The following C2orf92 variants were observed in gnomAD, a reference collection of about 807,000 sequenced individuals.
The protein encoded by C2orf92 is uncharacterized protein C2orf92.
chr2:97,700,399 C>T (rs562244415), intron 6 of C2orf92, among the ~76,000 whole-genome samples: 29 of 152,200 alleles, frequency 1.9e-4, no homozygotes, highest in African/African-American at 6.5e-4. Flanking sequence ...ATATCACTGC[C>T]CTGTGAAAAG....
At chr2:97,691,397 C>T (rs947337755) in intron 5 of C2orf92, among the ~76,000 whole-genome samples, 10 of 152,088 alleles carry the variant, frequency 6.6e-5, no homozygotes, top group Admixed American at 2.0e-4. Context: ...GGTGCTGCCC[C>T]GGAGGAATTC....
intron 1 of C2orf92, among the ~76,000 whole-genome samples, chr2:97,673,744 A>G (rs1446424324): frequency 6.6e-6 from 1 of 152,032 alleles, no homozygotes; most frequent in Admixed American, 6.6e-5. Flanking sequence ...TCGGGGAGGC[A>G]CACCACACAC....
At chr2:97,687,783 C>G (rs930091441) in intron 3 of C2orf92, among the ~76,000 whole-genome samples, 3 of 150,148 alleles carry the variant, frequency 2.0e-5, no homozygotes, top group East Asian at 3.9e-4. Flanking sequence ...CTCCTCCCCA[C>G]GGGAGCCATC....
intron 3 of C2orf92, among the ~76,000 whole-genome samples, chr2:97,679,846 AAAAAAAAG>A (rs1270398191): frequency 1.7e-4 from 25 of 151,126 alleles, no homozygotes; most frequent in East Asian, 3.9e-4. Context: ...TCAAAAAAAA[AAAAAAAAG>A]AAAAAAAAGA....
chr2:97,671,596 GA>G (rs1235115010), intron 1 of C2orf92: 4 of 398,112 alleles, frequency 1.0e-5, no homozygotes, highest in Non-Finnish European at 1.8e-5. Flanking sequence ...CCGCTGCTGT[GA>G]AGGGAAGGCA....
chr2:97,697,709 GTTATT>G (rs1004144654), intron 5 of C2orf92, among the ~76,000 whole-genome samples: 15 of 152,096 alleles, frequency 9.9e-5, no homozygotes, highest in African/African-American at 2.7e-4. Context: ...ATAATTTTCT[GTTATT>G]TTATTTTATT....
chr2:97,683,167 A>G (rs990619202), intron 3 of C2orf92, among the ~76,000 whole-genome samples: 1 of 152,050 alleles, frequency 6.6e-6, no homozygotes, highest in Admixed American at 6.6e-5. Flanking sequence ...TACAAATTGA[A>G]CACACAAAAA....
At chr2:97,680,276 G>A (rs144633634) in intron 3 of C2orf92, among the ~76,000 whole-genome samples, 1 of 152,324 alleles carries the variant, frequency 6.6e-6, no homozygotes, top group African/African-American at 2.4e-5. Flanking sequence ...TTCAGCCTGG[G>A]CGACAGAGTG....
rs370621947 is a variant in C2orf92, at chr2:97,699,936, G to A, written c.514+800G>A. On this transcript the variant is annotated intron_variant, in intron 6 of 7. Coordinates refer to ENST00000627399, the MANE Select transcript of C2orf92 (RefSeq NM_001351368.2). ...GAAGGTAGGAGGCTGGACATGCCCT[G>A]TTTTCTCCCCATCACCCAAGAAGAC... Among the ~76,000 whole-genome samples the A allele has an allele frequency of 3.3e-5, 5 of 152,328 alleles. No individual in the cohort carries two copies. The East Asian group carries it at 5.8e-4, about 18-fold the overall frequency.
intron 3 of C2orf92, among the ~76,000 whole-genome samples, chr2:97,687,977 T>C (rs572012240): frequency 1.3e-4 from 19 of 151,234 alleles, no homozygotes; most frequent in Admixed American, 1.2e-3. Flanking sequence ...CGGCCCCATA[T>C]GTGTAGGAGG....
chr2:97,686,331 C>G (rs1675959604), intron 3 of C2orf92, among the ~76,000 whole-genome samples: 1 of 152,300 alleles, frequency 6.6e-6, no homozygotes, highest in Admixed American at 6.5e-5. Flanking sequence ...AACATGACGA[C>G]CACATTGGGA....
Position 97,690,145 on chromosome 2 carries a change from C to G in C2orf92, c.332-111C>G, listed in dbSNP as rs12997695. 2.9e-5 allele frequency: 10 copies of G among 348,458 alleles called. No individual in the cohort carries two copies. The South Asian group carries it at 6.1e-4, about 21-fold the overall frequency. The allele number at this position is 348,458 out of a possible 1,614,324, so 21.6% of individuals were successfully genotyped here. On this transcript the variant is annotated intron_variant, in intron 4 of 7. Coordinates refer to ENST00000627399, the MANE Select transcript of C2orf92 (RefSeq NM_001351368.2). ...CTCTGTCTCAAAAGACAAAAAAAAACCACAAAAAAACCAAAAAATGGAATA... is the reference window on the plus strand; with the variant it reads ...CTCTGTCTCAAAAGACAAAAAAAAAGCACAAAAAAACCAAAAAATGGAATA...
At chr2:97,678,539 A>C (rs767524601) in intron 3 of C2orf92, among the ~76,000 whole-genome samples, 23 of 152,148 alleles carry the variant, frequency 1.5e-4, no homozygotes, top group Non-Finnish European at 3.2e-4. Context: ...TCCAGACACA[A>C]AGAGAATCTT....
intron 3 of C2orf92, among the ~76,000 whole-genome samples, chr2:97,679,393 T>G (rs1675686436): frequency 6.6e-6 from 1 of 152,212 alleles, no homozygotes; most frequent in African/African-American, 2.4e-5. Context: ...TGCAGAGTGT[T>G]TGTATACTAT....
intron 3 of C2orf92, among the ~76,000 whole-genome samples, chr2:97,680,368 T>C (rs1675728623): frequency 6.6e-6 from 1 of 152,190 alleles, no homozygotes; most frequent in South Asian, 2.1e-4. Flanking sequence ...TAAATTTAAA[T>C]GGATTAAACT....
At chr2:97,675,443 G>A (rs373088612) in intron 2 of C2orf92, among the ~76,000 whole-genome samples, 21 of 152,244 alleles carry the variant, frequency 1.4e-4, no homozygotes, top group African/African-American at 3.6e-4. Flanking sequence ...GATTAAGTAT[G>A]TCTATTCTTA....
chr2:97,690,335 CA>C lies in C2orf92; in HGVS notation c.403+11del, dbSNP rs1676087853. ...ACAAAATTCCTGATAAAGGTAAATGCAAATGCATAAAATTGGAATTGGGGGT... is the reference window on the plus strand; with the variant it reads ...ACAAAATTCCTGATAAAGGTAAATGCAATGCATAAAATTGGAATTGGGGGT... On this transcript the variant is annotated intron_variant, in intron 5 of 7. Transcript: ENST00000627399. The C allele has an allele frequency of 2.5e-6, 1 of 398,426 alleles. No individual in the cohort carries two copies. The highest frequency in any genetic ancestry group is 4.4e-6 in the Non-Finnish European group (1 of 225,846). 24.7% of individuals were successfully genotyped at this position (398,426 alleles called of 1,614,324 possible).
rs58235034 is a variant in C2orf92 at position 97,698,566 on chromosome 2, A to G, written c.404-460A>G. Among the ~76,000 whole-genome samples the G allele has an allele frequency of 8.0e-3, 1,218 of 152,308 alleles. 15 individuals carry two copies. The highest frequency in any genetic ancestry group is 0.027 in the African/African-American group (1,113 of 41,572). On this transcript the variant is annotated intron_variant, in intron 5 of 7. Transcript: ENST00000627399. ...ATGAACATTGTACAATCTGTGAAGT[A>G]GGTCTCATTATCTCTATTTTATGCA...
chr2:97,672,910 T>C (rs1675459999), intron 1 of C2orf92, among the ~76,000 whole-genome samples: 1 of 151,984 alleles, frequency 6.6e-6, no homozygotes. Flanking sequence ...GAGTGGGCTT[T>C]GTGAGGACTG....
Sources: allele counts gnomAD v4.1 joint callset (sites outside exome capture counted in the v4.1 genomes callset), GRCh38; gene constraint gnomAD v4.1.1; transcripts MANE v1.5; gene names NCBI Gene and HGNC (gene_info 2026-07-23, HGNC 2026-07-21).